Variants in GXYLT1 observed in about 807,000 individuals in gnomAD.
GXYLT1 encodes the protein glycosyltransferase 8 domain containing 3.
Under a neutral mutation model 54.0 loss-of-function variants are expected in GXYLT1, and 29 were observed. The ratio of observed to expected loss-of-function variants is 0.54; its 90% CI spans 0.40 to 0.73. The LOEUF is 0.73. Ranked by LOEUF, GXYLT1 falls within the 30% of genes least tolerant of loss-of-function variation. The pLI is 0.00. For synonymous variants in GXYLT1, 176 were observed against 204.1 expected (o/e 0.86, Z 1.17); for missense variants, 490 against 553.4 (o/e 0.89, Z 1.15).
At chr12:42,131,854 T>G (rs893861460) in intron 1 of GXYLT1, among the ~76,000 whole-genome samples, 3 of 152,182 alleles carry the variant, frequency 2.0e-5, no homozygotes, top group Non-Finnish European at 4.4e-5. Context: ...AGAAACGTTT[T>G]AAGGTAGGTA....
chr12:42,114,096 A>C (rs937935009), intron 3 of GXYLT1, among the ~76,000 whole-genome samples: 3 of 152,248 alleles, frequency 2.0e-5, no homozygotes, highest in Non-Finnish European at 4.4e-5. Context: ...ACAAAGACAC[A>C]ACATACCAGA....
chr12:42,106,903 AC>A (rs572696138), intron 4 of GXYLT1, among the ~76,000 whole-genome samples: 16 of 151,080 alleles, frequency 1.1e-4, no homozygotes, highest in African/African-American at 3.6e-4. Context: ...GCATCACCAC[AC>A]CCGGCTAATT....
At chr12:42,129,908 C>G (rs2065584962) in intron 1 of GXYLT1, 57 bp from the exon 2 acceptor site, 1 of 1,084,480 alleles carries the variant, frequency 9.2e-7, no homozygotes, top group South Asian at 1.4e-5. Flanking sequence ...TTGGAACTAA[C>G]AAGGAATTTA....
intron 2 of GXYLT1, among the ~76,000 whole-genome samples, chr12:42,128,111 G>A (rs2065573707): frequency 6.6e-6 from 1 of 152,172 alleles, no homozygotes; most frequent in African/African-American, 2.4e-5. Flanking sequence ...GTGGGAGAGA[G>A]TATGTGATGG....
chr12:42,115,399 A>C (rs1261260523), intron 3 of GXYLT1, among the ~76,000 whole-genome samples: 5 of 152,232 alleles, frequency 3.3e-5, no homozygotes, highest in Non-Finnish European at 7.3e-5. Context: ...TCAGCCCAAA[A>C]ACTCCTCAAG....
At chr12:42,137,000 G>A (rs1163981000) in intron 1 of GXYLT1, among the ~76,000 whole-genome samples, 1 of 152,054 alleles carries the variant, frequency 6.6e-6, no homozygotes, top group African/African-American at 2.4e-5. Context: ...TAGAACTTCT[G>A]GGTTCAAGCA....
chr12:42,141,877 A>C (rs1247948003), intron 1 of GXYLT1, among the ~76,000 whole-genome samples: 3 of 152,172 alleles, frequency 2.0e-5, no homozygotes, highest in African/African-American at 4.8e-5. Context: ...AACGGATAAG[A>C]GATTCCACTG....
intron 7 of GXYLT1, among the ~76,000 whole-genome samples, chr12:42,093,637 T>C (rs895866942): frequency 2.0e-5 from 3 of 152,190 alleles, no homozygotes; most frequent in African/African-American, 7.2e-5. Flanking sequence ...TTTATGATAA[T>C]GTCAGTATCT....
chr12:42,144,586 A>G lies in GXYLT1; in HGVS notation c.61T>C (p.Tyr21His), dbSNP rs1217022882. The change falls in exon 1 of 8, where the codon TAC (tyrosine) becomes CAC (histidine). Residue 21 changes from tyrosine to histidine, a missense_variant. Transcript: ENST00000398675. Reference sequence around the variant, plus strand: ...GACACGGCGAGCTGGCTGAAAGCGTAAAGGAGCGAGCAGAAGCCGCAGGCC... The same window carrying G: ...GACACGGCGAGCTGGCTGAAAGCGTGAAGGAGCGAGCAGAAGCCGCAGGCC... The part of the protein sequence containing the change: ...CVACGFCSLL[Y>H]AFSQLAVSLE... The G allele has an allele frequency of 5.4e-6, 8 of 1,475,112 alleles. No individual in the cohort carries two copies. Among genetic ancestry groups the G allele is most frequent in the Non-Finnish European group, 6.3e-6 (7 of 1,111,536 alleles). 91.4% of individuals were successfully genotyped at this position (1,475,112 alleles called of 1,614,324 possible). A position where few individuals can be genotyped will look rare whatever the true frequency, so the allele number is the denominator to read the frequency against.
intron 2 of GXYLT1, among the ~76,000 whole-genome samples, chr12:42,120,112 A>G (rs2065521756): frequency 6.6e-6 from 1 of 152,206 alleles, no homozygotes; most frequent in Admixed American, 6.5e-5. Context: ...TCTTTCATTC[A>G]ATTTTTTAAA....
intron 7 of GXYLT1, among the ~76,000 whole-genome samples, chr12:42,091,046 G>A (rs1180401441): frequency 1.3e-5 from 2 of 152,120 alleles, no homozygotes; most frequent in African/African-American, 4.8e-5. Context: ...TGCATTCCAT[G>A]GCTATGACTA....
rs373487970 is a variant in GXYLT1 at position 42,104,362 on chromosome 12, T to C, written c.864+1456A>G. ...AATCATGTTACTATCTTAGTTTTAC[T>C]ATATTTAGTAAAACTTTACAGTACA... On this transcript the variant is annotated intron_variant, in intron 5 of 7. Coordinates refer to ENST00000398675, the MANE Select transcript of GXYLT1 (RefSeq NM_173601.2). 2.0e-5 allele frequency among the ~76,000 whole-genome samples: 3 copies of C among 152,094 alleles called. No homozygotes were observed. The South Asian group carries it at 6.2e-4, about 32-fold the overall frequency.
Position 42,097,969 on chromosome 12 carries a change from T to C in GXYLT1, c.929A>G (p.Lys310Arg). The change falls in exon 6 of 8, where the codon AAA (lysine) becomes AGA (arginine). Residue 310 changes from lysine to arginine, a missense_variant. Physicochemically the swap from Lys to Arg is conservative, Grantham distance 26. This residue lies in a region of GXYLT1 where 342 missense variants were observed against 342.6 expected (regional missense o/e 1.00). Transcript: ENST00000398675. The stretch of plus-strand genomic sequence containing the variant: ...TTGATCACCCCATGTGATGTTTAGT[T>C]TGTATTTTTTAAGCAATGGCATAAG... ...DILMPLLKKY[K>R]LNITWGDQDL... The C allele has an allele frequency of 6.2e-7, 1 of 1,605,466 alleles. No individual in the cohort carries two copies. The highest frequency in any genetic ancestry group is 1.1e-5 in the South Asian group (1 of 90,690).
chr12:42,101,412 A>G (rs184834998), intron 5 of GXYLT1, among the ~76,000 whole-genome samples: 5 of 152,314 alleles, frequency 3.3e-5, no homozygotes, highest in African/African-American at 7.2e-5. Context: ...AAAAGAGAAA[A>G]TAAAATCATC....
At chr12:42,115,495 T>C (rs1462199451) in intron 3 of GXYLT1, among the ~76,000 whole-genome samples, 11 of 152,020 alleles carry the variant, frequency 7.2e-5, no homozygotes, top group South Asian at 2.1e-4. Flanking sequence ...AACAGACAAC[T>C]AGAGAGCCAA....
Position 42,129,839 on chromosome 12 carries a change from G to A in GXYLT1, c.234C>T (p.Phe78=), listed in dbSNP as rs754941435. The A allele has an allele frequency of 5.6e-6, 9 of 1,611,142 alleles. No individual in the cohort carries two copies. In the South Asian group the frequency reaches 9.9e-5, roughly 18 times the overall value. The stretch of plus-strand genomic sequence containing the variant: ...AATAGGGATTCCAGTAACACAGAGA[G>A]AAATCTTTACACCTAACAGAGTAAG... ...HPGVSDRCKD[F]SLCYWNPYWM... Residue 78 remains phenylalanine, a synonymous_variant, in exon 2 of 8, where the codon TTC becomes TTT. Transcript: ENST00000398675.
intron 1 of GXYLT1, 146 bp from the exon 2 acceptor site, chr12:42,129,997 GA>G (rs2136915592): frequency 1.8e-6 from 1 of 565,056 alleles, no homozygotes; most frequent in African/African-American, 1.9e-5. Context: ...AAAGATTTTG[GA>G]AAACTGATTT....
intron 2 of GXYLT1, among the ~76,000 whole-genome samples, chr12:42,121,414 T>C (rs1268131076): frequency 6.6e-6 from 1 of 152,110 alleles, no homozygotes; most frequent in Non-Finnish European, 1.5e-5. Flanking sequence ...AGAGGACCGC[T>C]TGAGGCCCAG....
intron 7 of GXYLT1, among the ~76,000 whole-genome samples, chr12:42,093,745 G>A (rs2136875819): frequency 6.6e-6 from 1 of 152,080 alleles, no homozygotes; most frequent in South Asian, 2.1e-4. Flanking sequence ...GCTGGGCTGA[G>A]GGAGTTGCCT....
Sources: gnomAD v4.1 joint callset for allele counts (sites outside exome capture counted in the v4.1 genomes callset) on GRCh38, gnomAD v4.1.1 for gene constraint, gnomAD v4.1.1 regional missense constraint, MANE v1.5 for transcripts, NCBI Gene and HGNC (gene_info 2026-07-23, HGNC 2026-07-21) for gene names.